Variants in GABRB3 observed in about 807,000 individuals in gnomAD.
GABRB3 encodes gamma-aminobutyric acid type A receptor subunit beta3.
In GABRB3, 14 loss-of-function variants were observed where a neutral mutation model predicts 52.1. The observed-to-expected ratio is 0.27, with a 90% confidence interval of 0.18 to 0.42. The LOEUF (loss-of-function observed/expected upper bound fraction) is 0.42, where lower values mean the gene tolerates loss of function less well. Among genes scored for constraint, GABRB3 ranks in the 10% least tolerant of loss-of-function variants. The probability of loss-of-function intolerance (pLI) is 1.00; values close to 1 mark genes in which losing one functional copy is unlikely to be tolerated. For synonymous variants in GABRB3, 260 were observed against 232.3 expected (o/e 1.12, Z -1.08); for missense variants, 307 against 609.1 (o/e 0.50, Z 5.22).
chr15:26,627,840 G>A (rs890982124), intron 3 of GABRB3, among the ~76,000 whole-genome samples: 2 of 152,236 alleles, frequency 1.3e-5, no homozygotes, highest in Admixed American at 6.5e-5. Flanking sequence ...CAGGGTTTGA[G>A]AGGACTGACT....
chr15:26,586,397 A>ACACACACACACACACACACAC (rs149254517), intron 4 of GABRB3, among the ~76,000 whole-genome samples: 4 of 138,010 alleles, frequency 2.9e-5, no homozygotes, highest in Non-Finnish European at 4.6e-5. Context: ...AACCACCCCT[A>ACACACACACACACACACACAC]ACACACACAC....
chr15:26,697,145 C>T (rs1052777951), intron 3 of GABRB3, among the ~76,000 whole-genome samples: 2 of 152,100 alleles, frequency 1.3e-5, no homozygotes, highest in African/African-American at 4.8e-5. Flanking sequence ...CCTTAGAGTG[C>T]TAAATGCATG....
chr15:26,571,562 A>G (rs907513563), intron 6 of GABRB3, among the ~76,000 whole-genome samples: 15 of 152,324 alleles, frequency 9.8e-5, no homozygotes, highest in Middle Eastern at 3.4e-3. Flanking sequence ...TCCAAAGTAC[A>G]TCTTCAGGGA....
intron 3 of GABRB3, among the ~76,000 whole-genome samples, chr15:26,714,025 C>T (rs565673431): frequency 1.3e-3 from 202 of 152,336 alleles, no homozygotes; most frequent in African/African-American, 4.4e-3. Flanking sequence ...CGGAAGGAAA[C>T]TCAACACGTG....
chr15:26,670,333 G>A (rs1595520939), intron 3 of GABRB3, among the ~76,000 whole-genome samples: 1 of 152,286 alleles, frequency 6.6e-6, no homozygotes, highest in East Asian at 1.9e-4. Context: ...GGCAGGGCAC[G>A]GCGCACTGGA....
chr15:26,706,242 G>A (rs1398134121), intron 3 of GABRB3, among the ~76,000 whole-genome samples: 1 of 152,136 alleles, frequency 6.6e-6, no homozygotes, highest in Non-Finnish European at 1.5e-5. Context: ...ACCTGGCACA[G>A]CGCCTGAGGC....
intron 8 of GABRB3, among the ~76,000 whole-genome samples, chr15:26,559,580 A>T (rs984715411): frequency 1.5e-4 from 23 of 152,206 alleles, no homozygotes; most frequent in Non-Finnish European, 1.5e-5. Flanking sequence ...GAGGGGATAG[A>T]AGAGGTGGAA....
chr15:26,667,102 A>G (rs1443546228), intron 3 of GABRB3, among the ~76,000 whole-genome samples: 1 of 152,242 alleles, frequency 6.6e-6, no homozygotes, highest in East Asian at 1.9e-4. Flanking sequence ...TAATACATGA[A>G]TATCACCTCG....
At chr15:26,628,919 G>A (rs1357394044) in intron 3 of GABRB3, 1 of 1,487,264 alleles carries the variant, frequency 6.7e-7, no homozygotes, top group Non-Finnish European at 9.1e-7. Context: ...GGGGGAGTCA[G>A]GTGCAAGAGC....
At chr15:26,722,144 T>C (rs955312539) in intron 3 of GABRB3, among the ~76,000 whole-genome samples, 1 of 152,210 alleles carries the variant, frequency 6.6e-6, no homozygotes, top group Non-Finnish European at 1.5e-5. Context: ...AGATATAGTT[T>C]GCCCCATCTA....
chr15:26,585,753 T>G (rs985818225), intron 4 of GABRB3, among the ~76,000 whole-genome samples: 5 of 152,214 alleles, frequency 3.3e-5, no homozygotes, highest in African/African-American at 9.7e-5. Context: ...TTACATTCTG[T>G]GATCCCAAAT....
At chr15:26,707,774 A>G (rs150577746) in intron 3 of GABRB3, among the ~76,000 whole-genome samples, 248 of 152,314 alleles carry the variant, frequency 1.6e-3, no homozygotes, top group Non-Finnish European at 3.0e-3. Flanking sequence ...CCTTTTAAAC[A>G]TGAGGTGTTT....
chr15:26,656,162 G>A (rs760990650), intron 3 of GABRB3, among the ~76,000 whole-genome samples: 2 of 151,976 alleles, frequency 1.3e-5, no homozygotes, highest in Non-Finnish European at 2.9e-5. Context: ...TGACAGTCCC[G>A]AGCTGAGCTT....
intron 3 of GABRB3, among the ~76,000 whole-genome samples, chr15:26,698,934 A>G (rs566298415): frequency 2.6e-5 from 4 of 152,368 alleles, no homozygotes; most frequent in South Asian, 2.1e-4. Flanking sequence ...TTGAACCTCT[A>G]TAATAGTGAC....
At chr15:26,720,223 C>G in intron 3 of GABRB3, among the ~76,000 whole-genome samples, 1 of 152,068 alleles carries the variant, frequency 6.6e-6, no homozygotes, top group Admixed American at 6.5e-5. Flanking sequence ...GGCCCTACCC[C>G]ATCTCCCTTC....
chr15:26,764,157 A>C (rs1890901644), intron 3 of GABRB3, among the ~76,000 whole-genome samples: 1 of 10,906 alleles, frequency 9.2e-5, no homozygotes, highest in Non-Finnish European at 2.0e-4. Flanking sequence ...CTCAAAAAAA[A>C]AAAAAAAAAA....
At chr15:26,677,536 A>G (rs1219147252) in intron 3 of GABRB3, among the ~76,000 whole-genome samples, 4 of 152,166 alleles carry the variant, frequency 2.6e-5, no homozygotes, top group African/African-American at 9.7e-5. Context: ...CTAGGGCTCA[A>G]GCTTGAAGAA....
intron 3 of GABRB3, among the ~76,000 whole-genome samples, chr15:26,646,349 A>G (rs747994123): frequency 6.6e-5 from 10 of 152,308 alleles, no homozygotes; most frequent in Non-Finnish European, 1.2e-4. Flanking sequence ...TTCACTTAGC[A>G]TCATACTTTT....
At chr15:26,753,482 AAG>A in intron 3 of GABRB3, among the ~76,000 whole-genome samples, 1 of 152,298 alleles carries the variant, frequency 6.6e-6, no homozygotes, top group East Asian at 1.9e-4. Context: ...AGAAAGAAGA[AAG>A]AGAAGAAGAT....
Sources: gnomAD v4.1 joint callset for allele counts (sites outside exome capture counted in the v4.1 genomes callset) on GRCh38, gnomAD v4.1.1 for gene constraint, MANE v1.5 for transcripts, NCBI Gene and HGNC (gene_info 2026-07-23, HGNC 2026-07-21) for gene names.